CUEDC1: variants seen among roughly 807,000 people sequenced by gnomAD.
CUEDC1 encodes the protein CUE domain containing 1, also known as CUE domain-containing protein 1.
Under a neutral mutation model 43.7 loss-of-function variants are expected in CUEDC1, and 30 were observed. The observed-to-expected ratio is 0.69, with a 90% confidence interval of 0.51 to 0.93. The LOEUF (loss-of-function observed/expected upper bound fraction) is 0.93, where lower values mean the gene tolerates loss of function less well. Among genes scored for constraint, CUEDC1 ranks in the 40% least tolerant of loss-of-function variants. The probability of loss-of-function intolerance (pLI) is 0.00; values close to 1 mark genes in which losing one functional copy is unlikely to be tolerated. For missense variants in CUEDC1, 486 were observed against 549.0 expected (o/e 0.89, Z 1.15); for synonymous variants, 223 against 223.6 (o/e 1.00, Z 0.02).
intron 3 of CUEDC1, among the ~76,000 whole-genome samples, chr17:57,875,429 G>A (rs1370063882): frequency 6.6e-6 from 1 of 152,196 alleles, no homozygotes; most frequent in Non-Finnish European, 1.5e-5. Flanking sequence ...CTGTGGTCCT[G>A]AAGGAAGGCC....
At chr17:57,950,160 T>C (rs2074992702) in intron 1 of CUEDC1, among the ~76,000 whole-genome samples, 1 of 152,086 alleles carries the variant, frequency 6.6e-6, no homozygotes, top group East Asian at 1.9e-4. Context: ...TTCCACTCTT[T>C]TCGTTTTTGA....
At chr17:57,864,648 A>G (rs1230977935) in intron 10 of CUEDC1, among the ~76,000 whole-genome samples, 1 of 152,142 alleles carries the variant, frequency 6.6e-6, no homozygotes, top group Non-Finnish European at 1.5e-5. Flanking sequence ...CAGTGGATGA[A>G]GGAGGATGGC....
rs1432665471 is a variant in CUEDC1, at chr17:57,885,569, C to T, written c.-5G>A. The T allele has an allele frequency of 3.0e-6, 4 of 1,351,148 alleles. No homozygotes were observed. Among genetic ancestry groups the T allele is most frequent in the Admixed American group, 4.1e-5 (1 of 24,538 alleles). The allele number at this position is 1,351,148 out of a possible 1,614,324, so 83.7% of individuals were successfully genotyped here. On this transcript the variant is annotated 5_prime_UTR_variant, in exon 2 of 11. Transcript: ENST00000577830. ...CCGGCGGAACAGGCTGGTCATTTTGCGGAGCCGCTTGGGGAAAATGTTTCT... is the reference window on the plus strand; with the variant it reads ...CCGGCGGAACAGGCTGGTCATTTTGTGGAGCCGCTTGGGGAAAATGTTTCT...
intron 1 of CUEDC1, among the ~76,000 whole-genome samples, chr17:57,891,361 T>C (rs2074353224): frequency 6.6e-6 from 1 of 152,246 alleles, no homozygotes; most frequent in Admixed American, 6.5e-5. Context: ...TTATACTCTA[T>C]GTCCAATCTA....
At chr17:57,934,726 G>A (rs2143174670) in intron 1 of CUEDC1, among the ~76,000 whole-genome samples, 1 of 152,046 alleles carries the variant, frequency 6.6e-6, no homozygotes, top group African/African-American at 2.4e-5. Flanking sequence ...TTGTTTTTTT[G>A]AGACAGAATC....
At chr17:57,933,000 A>G (rs1293269244) in intron 1 of CUEDC1, among the ~76,000 whole-genome samples, 1 of 152,188 alleles carries the variant, frequency 6.6e-6, no homozygotes. Context: ...TCTACCCACA[A>G]ATGCCAGTAG....
intron 1 of CUEDC1, among the ~76,000 whole-genome samples, chr17:57,911,428 G>A (rs1438656101): frequency 6.6e-6 from 1 of 152,172 alleles, no homozygotes; most frequent in African/African-American, 2.4e-5. Flanking sequence ...GCCATAATCA[G>A]GGGCAGTGTA....
At position 57,942,794 on chromosome 17, in the gene CUEDC1, C is replaced by T. The variant is rs565920218; in HGVS notation, c.-316+12431G>A. Among the ~76,000 whole-genome samples, 22 of 151,764 alleles carry T rather than the reference C, an allele frequency of 1.4e-4. 2 individuals carry two copies. Among genetic ancestry groups the T allele is most frequent in the Admixed American group, 1.3e-3 (20 of 15,248 alleles). On this transcript the variant is annotated intron_variant, in intron 1 of 10. Coordinates refer to ENST00000577830, the MANE Select transcript of CUEDC1 (RefSeq NM_001271875.2). ...CTGTAATCCCAGCACTTTGGGAGGCCGAGGCGGGTGGATCACGAGGTCAGG... is the reference window on the plus strand; with the variant it reads ...CTGTAATCCCAGCACTTTGGGAGGCTGAGGCGGGTGGATCACGAGGTCAGG...
At chr17:57,936,199 C>T (rs906072859) in intron 1 of CUEDC1, among the ~76,000 whole-genome samples, 3 of 152,166 alleles carry the variant, frequency 2.0e-5, no homozygotes, top group African/African-American at 7.2e-5. Context: ...AGGACAAAAG[C>T]GGCTGAGGAC....
intron 10 of CUEDC1, among the ~76,000 whole-genome samples, chr17:57,864,014 A>AAG (rs1555655593): frequency 4.0e-5 from 6 of 151,102 alleles, no homozygotes; most frequent in African/African-American, 1.2e-4. Context: ...AAAAAAAAAA[A>AAG]AAAGAAAGAA....
intron 3 of CUEDC1, among the ~76,000 whole-genome samples, chr17:57,879,100 T>A (rs1298293966): frequency 6.6e-6 from 1 of 152,228 alleles, no homozygotes; most frequent in African/African-American, 2.4e-5. Flanking sequence ...TGCTTAAAAA[T>A]CCTCACAATA....
chr17:57,904,408 A>C (rs1367275164), intron 1 of CUEDC1, among the ~76,000 whole-genome samples: 2 of 150,060 alleles, frequency 1.3e-5, no homozygotes, highest in Non-Finnish European at 3.0e-5. Flanking sequence ...AGAGGGATGA[A>C]GGTTGGGGAG....
chr17:57,916,314 C>A (rs2074640020), intron 1 of CUEDC1, among the ~76,000 whole-genome samples: 1 of 152,260 alleles, frequency 6.6e-6, no homozygotes, highest in East Asian at 1.9e-4. Flanking sequence ...AGGACAGGAG[C>A]CATGCAGCGG....
At chr17:57,865,074 G>A (rs1359527770) in intron 10 of CUEDC1, among the ~76,000 whole-genome samples, 1 of 152,122 alleles carries the variant, frequency 6.6e-6, no homozygotes. Context: ...ATGAATGAAT[G>A]AATGAATGAA....
chr17:57,954,728 CT>C lies in CUEDC1; in HGVS notation c.-316+496del, dbSNP rs2075039846. 6.6e-6 allele frequency among the ~76,000 whole-genome samples: 1 copy of C among 152,252 alleles called. No individual in the cohort carries two copies. The highest frequency in any genetic ancestry group is 2.1e-4 in the South Asian group (1 of 4,834). On this transcript the variant is annotated intron_variant, in intron 1 of 10. Transcript: ENST00000577830. This position sits in a 1 kb window ranked among gnomAD's most constrained non-coding sequence, Gnocchi z 4.3. ...GGCAGGAAGCGAAGCTCCCCTCCCCCTGAAAGGCGCTCGGCTCCCAGCAGGC... is the reference window on the plus strand; with the variant it reads ...GGCAGGAAGCGAAGCTCCCCTCCCCCGAAAGGCGCTCGGCTCCCAGCAGGC...
At chr17:57,872,442 C>G (rs1207110992) in intron 5 of CUEDC1, among the ~76,000 whole-genome samples, 3 of 152,058 alleles carry the variant, frequency 2.0e-5, no homozygotes, top group Admixed American at 6.5e-5. Flanking sequence ...ATCCTTCTTC[C>G]TCTGAGTCCC....
intron 1 of CUEDC1, among the ~76,000 whole-genome samples, chr17:57,896,095 A>C (rs1017444936): frequency 5.9e-5 from 9 of 152,210 alleles, no homozygotes; most frequent in Non-Finnish European, 1.2e-4. Flanking sequence ...AGGAGTGCTC[A>C]GGATGGGCAG....
At chr17:57,904,596 T>C (rs1204398471) in intron 1 of CUEDC1, among the ~76,000 whole-genome samples, 1 of 152,274 alleles carries the variant, frequency 6.6e-6, no homozygotes, top group East Asian at 1.9e-4. Context: ...CCCCGTCCCA[T>C]TTCACAGGGG....
At chr17:57,875,744 C>T (rs1297030537) in intron 3 of CUEDC1, among the ~76,000 whole-genome samples, 1 of 151,930 alleles carries the variant, frequency 6.6e-6, no homozygotes, top group African/African-American at 2.4e-5. Flanking sequence ...CAGCCCAGAG[C>T]CTCTGCCTCT....
Sources: allele counts gnomAD v4.1 joint callset (sites outside exome capture counted in the v4.1 genomes callset), GRCh38; gene constraint gnomAD v4.1.1; non-coding constraint Gnocchi (gnomAD v3.1); transcripts MANE v1.5; gene names NCBI Gene and HGNC (gene_info 2026-07-23, HGNC 2026-07-21).